PTPRG: variants seen among roughly 807,000 people sequenced by gnomAD.
PTPRG encodes protein tyrosine phosphatase receptor type G.
PTPRG carries 102 observed loss-of-function variants against 165.3 expected under a neutral mutation model. That is an observed-to-expected ratio of 0.62 (90% CI 0.53 to 0.73). PTPRG has a LOEUF of 0.73. Among genes scored for constraint, PTPRG ranks in the 30% least tolerant of loss-of-function variants. The pLI is 0.00. For synonymous variants in PTPRG, 675 were observed against 669.5 expected (o/e 1.01, Z -0.13); for missense variants, 1,866 against 1,861.4 (o/e 1.00, Z -0.05).
At chr3:61,767,042 G>C (rs1575647196) in intron 2 of PTPRG, among the ~76,000 whole-genome samples, 1 of 151,404 alleles carries the variant, frequency 6.6e-6, no homozygotes, top group Non-Finnish European at 1.5e-5. Context: ...TCAGGAGTTC[G>C]AGACCATCCC....
At chr3:62,067,113 C>T (rs536247524) in intron 4 of PTPRG, among the ~76,000 whole-genome samples, 28 of 151,710 alleles carry the variant, frequency 1.8e-4, no homozygotes, top group African/African-American at 5.8e-4. Context: ...GATCCTCCCC[C>T]TCAAGGTTCA....
At chr3:61,843,886 A>C (rs2036725374) in intron 2 of PTPRG, among the ~76,000 whole-genome samples, 1 of 151,684 alleles carries the variant, frequency 6.6e-6, no homozygotes, top group Admixed American at 6.6e-5. Flanking sequence ...AAAATGCTGC[A>C]AATTTCAGGT....
chr3:62,140,579 G>A (rs1461633547), intron 6 of PTPRG, among the ~76,000 whole-genome samples: 6 of 152,128 alleles, frequency 3.9e-5, no homozygotes, highest in Non-Finnish European at 8.8e-5. Flanking sequence ...GGGTGCAATG[G>A]TTCATGCCTG....
At chr3:61,787,157 G>A (rs2034730273) in intron 2 of PTPRG, among the ~76,000 whole-genome samples, 2 of 152,084 alleles carry the variant, frequency 1.3e-5, no homozygotes, top group African/African-American at 4.8e-5. Flanking sequence ...TCGTTGAGTT[G>A]AAAGATGTGT....
intron 1 of PTPRG, among the ~76,000 whole-genome samples, chr3:61,580,311 C>G (rs948140698): frequency 5.3e-5 from 8 of 151,764 alleles, no homozygotes; most frequent in African/African-American, 1.7e-4. Context: ...AACAGTTATA[C>G]TCAGATTTTC....
chr3:61,944,110 G>T (rs1437612867), intron 2 of PTPRG, among the ~76,000 whole-genome samples: 2 of 151,974 alleles, frequency 1.3e-5, no homozygotes, highest in Admixed American at 1.3e-4. Flanking sequence ...CTCATTTTTT[G>T]TTGTTGTTGT....
At chr3:61,612,249 G>GT (rs1442227418) in intron 1 of PTPRG, among the ~76,000 whole-genome samples, 1 of 152,184 alleles carries the variant, frequency 6.6e-6, no homozygotes, top group Non-Finnish European at 1.5e-5. Context: ...CCTGGCCACT[G>GT]TAAGGCTTTT....
chr3:61,823,203 T>C (rs1000386764), intron 2 of PTPRG, among the ~76,000 whole-genome samples: 1 of 152,234 alleles, frequency 6.6e-6, no homozygotes, highest in Non-Finnish European at 1.5e-5. Context: ...TGTTTGTTTT[T>C]GTTTTGAGAT....
At chr3:61,860,792 T>C (rs1292047507) in intron 2 of PTPRG, among the ~76,000 whole-genome samples, 1 of 152,188 alleles carries the variant, frequency 6.6e-6, no homozygotes, top group Non-Finnish European at 1.5e-5. Context: ...TCACATGCAG[T>C]TGTATAAAAT....
At chr3:62,230,103 A>G (rs1191591566) in intron 13 of PTPRG, among the ~76,000 whole-genome samples, 1 of 152,234 alleles carries the variant, frequency 6.6e-6, no homozygotes, top group Non-Finnish European at 1.5e-5. Context: ...GGAGACAAGA[A>G]GTTCTGTGTT....
chr3:61,802,819 A>C (rs1474734655), intron 2 of PTPRG, among the ~76,000 whole-genome samples: 1 of 152,150 alleles, frequency 6.6e-6, no homozygotes, highest in Admixed American at 6.5e-5. Context: ...GGGGACTGTG[A>C]GGACCTGGAA....
chr3:62,129,836 A>G (rs1282739822), intron 5 of PTPRG, among the ~76,000 whole-genome samples: 1 of 152,206 alleles, frequency 6.6e-6, no homozygotes, highest in African/African-American at 2.4e-5. Context: ...TAGAGAAGGG[A>G]TAACACCTTT....
chr3:61,652,807 A>G (rs911017848), intron 1 of PTPRG, among the ~76,000 whole-genome samples: 7 of 152,168 alleles, frequency 4.6e-5, no homozygotes, highest in Non-Finnish European at 8.8e-5. Context: ...CTAAGTTGGA[A>G]CATCCAGGGG....
chr3:61,809,561 C>A (rs2035513091), intron 2 of PTPRG, among the ~76,000 whole-genome samples: 1 of 152,060 alleles, frequency 6.6e-6, no homozygotes, highest in East Asian at 1.9e-4. Flanking sequence ...GAGTTCTGAT[C>A]CTGTTAATTT....
intron 1 of PTPRG, among the ~76,000 whole-genome samples, chr3:61,591,796 C>T (rs912720727): frequency 1.3e-5 from 2 of 152,044 alleles, no homozygotes; most frequent in Non-Finnish European, 2.9e-5. Flanking sequence ...GTGACAAGGG[C>T]TTTGGAACTG....
intron 12 of PTPRG, among the ~76,000 whole-genome samples, chr3:62,216,047 G>A (rs747457091): frequency 2.0e-5 from 3 of 151,944 alleles, no homozygotes; most frequent in South Asian, 2.1e-4. Flanking sequence ...GTGAAACCTC[G>A]TCTCTACTAA....
chr3:61,757,847 G>C (rs2033683161), intron 2 of PTPRG, among the ~76,000 whole-genome samples: 1 of 152,096 alleles, frequency 6.6e-6, no homozygotes, highest in African/African-American at 2.4e-5. Context: ...ACCTTCTTTG[G>C]GGAGAGGGGT....
intron 2 of PTPRG, among the ~76,000 whole-genome samples, chr3:61,973,014 AG>A (rs1277228896): frequency 6.6e-6 from 1 of 152,060 alleles, no homozygotes; most frequent in African/African-American, 2.4e-5. Flanking sequence ...GGAGGGAGTT[AG>A]GGAGAAAAAT....
intron 2 of PTPRG, among the ~76,000 whole-genome samples, chr3:61,760,671 C>T (rs943995742): frequency 3.9e-5 from 6 of 152,086 alleles, no homozygotes; most frequent in African/African-American, 4.8e-5. Flanking sequence ...AGGGAAAGTG[C>T]GCCTGGTGAT....
Sources: gnomAD v4.1 joint callset for allele counts (sites outside exome capture counted in the v4.1 genomes callset) on GRCh38, gnomAD v4.1.1 for gene constraint, MANE v1.5 for transcripts, NCBI Gene and HGNC (gene_info 2026-07-23, HGNC 2026-07-21) for gene names.